The following MED12L variants were observed in gnomAD, a reference collection of about 807,000 sequenced individuals.
MED12L encodes mediator of RNA polymerase II transcription subunit 12-like protein.
Under a neutral mutation model 281.3 loss-of-function variants are expected in MED12L, and 60 were observed. That is an observed-to-expected ratio of 0.21 (90% CI 0.17 to 0.26). MED12L has a LOEUF of 0.26. MED12L is among the 10% of genes least tolerant of loss of function. The pLI, the probability that MED12L is intolerant of heterozygous loss-of-function variation, is 1.00. For missense variants in MED12L, 2,146 were observed against 2,680.9 expected (o/e 0.80, Z 4.41); for synonymous variants, 974 against 987.2 (o/e 0.99, Z 0.25).
chr3:151,097,023 A>G (rs1720805310), intron 2 of MED12L, among the ~76,000 whole-genome samples: 2 of 152,198 alleles, frequency 1.3e-5, no homozygotes, highest in Admixed American at 1.3e-4. Flanking sequence ...TCAGAAGCTC[A>G]TGCATTTTTG....
chr3:151,320,103 C>T (rs575296474), intron 16 of MED12L, among the ~76,000 whole-genome samples: 1 of 152,244 alleles, frequency 6.6e-6, no homozygotes, highest in South Asian at 2.1e-4. Context: ...ACTTTTTCCT[C>T]CCTTCTTTCT....
intron 4 of MED12L, among the ~76,000 whole-genome samples, chr3:151,125,342 GGGTTCTGC>G (rs1423598669): frequency 1.3e-5 from 2 of 152,170 alleles, no homozygotes; most frequent in East Asian, 3.8e-4. Context: ...AGTTCTCATG[GGGTTCTGC>G]TAGTACGGAG....
intron 16 of MED12L, among the ~76,000 whole-genome samples, chr3:151,253,809 C>G (rs1449644234): frequency 6.6e-6 from 1 of 152,108 alleles, no homozygotes; most frequent in Non-Finnish European, 1.5e-5. Flanking sequence ...GGGCTTGAAA[C>G]ATTGTCCTTT....
chr3:151,350,724 C>T (rs1753122988), intron 17 of MED12L, among the ~76,000 whole-genome samples: 1 of 152,054 alleles, frequency 6.6e-6, no homozygotes. Context: ...TGATGGCTAC[C>T]TATATCTCCA....
intron 39 of MED12L, 32 bp from the exon 40 acceptor site, chr3:151,409,211 G>C: frequency 1.3e-6 from 2 of 1,552,122 alleles, no homozygotes; most frequent in Non-Finnish European, 1.7e-6. Flanking sequence ...TTGCTGTTAT[G>C]ATCAAGAGTT....
chr3:151,315,922 TTA>T (rs1748165890), intron 16 of MED12L, among the ~76,000 whole-genome samples: 1 of 152,242 alleles, frequency 6.6e-6, no homozygotes, highest in Non-Finnish European at 1.5e-5. Context: ...TTAAAAGTCC[TTA>T]TTAAAATTTA....
intron 4 of MED12L, among the ~76,000 whole-genome samples, chr3:151,124,064 A>G (rs1472077832): frequency 6.6e-6 from 1 of 152,210 alleles, no homozygotes; most frequent in Non-Finnish European, 1.5e-5. Context: ...GTGGCCTATG[A>G]ATTGTATCTG....
At chr3:151,395,766 G>A (rs938407934) in intron 39 of MED12L, among the ~76,000 whole-genome samples, 1 of 152,188 alleles carries the variant, frequency 6.6e-6, no homozygotes, top group South Asian at 2.1e-4. Context: ...TGGAAATAGC[G>A]AATCTACAGG....
intron 16 of MED12L, among the ~76,000 whole-genome samples, chr3:151,245,799 G>C (rs1455344073): frequency 6.9e-6 from 1 of 145,914 alleles, no homozygotes; most frequent in Non-Finnish European, 1.5e-5. Context: ...GAAATAAAGG[G>C]TATTCAATTA....
chr3:151,192,071 A>C (rs961307343), intron 14 of MED12L, among the ~76,000 whole-genome samples: 4 of 152,244 alleles, frequency 2.6e-5, no homozygotes, highest in Non-Finnish European at 4.4e-5. Context: ...TGTCGGGTTA[A>C]AAATATTTAA....
intron 12 of MED12L, among the ~76,000 whole-genome samples, chr3:151,185,953 G>A (rs1267253593): frequency 6.6e-6 from 1 of 150,916 alleles, no homozygotes; most frequent in Non-Finnish European, 1.5e-5. Flanking sequence ...ACACACACAT[G>A]TGCAATATAC....
In MED12L at chr3:151,387,951, C is replaced by T. The variant is rs750127783; in HGVS notation, c.5230C>T (p.Leu1744Phe). Reference protein sequence around the residue: ...RVIKYEEQHHLLLYHTHPMPK... With the variant: ...RVIKYEEQHHFLLYHTHPMPK... ...GATCAAGTACGAGGAGCAGCATCAC[C>T]TCCTGCTGTATCACACACACCCCAT... is the stretch of plus-strand genomic sequence containing the variant. Residue 1744 changes from leucine (L) to phenylalanine (F), a missense_variant, in exon 37 of 45, where the codon CTC becomes TTC. Physicochemically the swap from Leu to Phe is conservative, Grantham distance 22. Transcript: ENST00000687756. 1 of 1,614,068 alleles carries T rather than the reference C, an allele frequency of 6.2e-7. No homozygotes were observed. Among genetic ancestry groups the T allele is most frequent in the Non-Finnish European group, 8.5e-7 (1 of 1,180,020 alleles).
intron 31 of MED12L, among the ~76,000 whole-genome samples, chr3:151,379,038 G>T (rs147447196): frequency 6.6e-6 from 1 of 152,350 alleles, no homozygotes; most frequent in African/African-American, 2.4e-5. Flanking sequence ...ATAAAGCCTG[G>T]GTTTAAATCC....
intron 21 of MED12L, 145 bp downstream of exon 21, chr3:151,360,750 T>C: frequency 1.4e-6 from 1 of 704,170 alleles, no homozygotes; most frequent in Non-Finnish European, 2.4e-6. Flanking sequence ...TCATGATTTG[T>C]TTAAACTGAA....
intron 16 of MED12L, chr3:151,269,981 G>T (rs971991312): frequency 1.7e-5 from 5 of 299,638 alleles, no homozygotes; most frequent in Non-Finnish European, 2.6e-5. Context: ...GTACTACTTG[G>T]TTTTCAATAT....
chr3:151,099,076 A>AT (rs1256868740), intron 2 of MED12L, among the ~76,000 whole-genome samples: 2 of 152,126 alleles, frequency 1.3e-5, no homozygotes, highest in Admixed American at 1.3e-4. Context: ...CCCGTGATTC[A>AT]TTTATCTCCC....
chr3:151,151,030 G>GGTTTTTTTTTTTTT (rs1342933481), intron 5 of MED12L, among the ~76,000 whole-genome samples: 1 of 11,808 alleles, frequency 8.5e-5, no homozygotes, highest in Non-Finnish European at 1.9e-4. Flanking sequence ...TGCTGAAGTA[G>GGTTTTTTTTTTTTT]CTTTTTTTTT....
intron 18 of MED12L, 80 bp downstream of exon 18, chr3:151,355,319 C>A: frequency 1.1e-6 from 1 of 870,486 alleles, no homozygotes; most frequent in South Asian, 1.5e-5. Flanking sequence ...TATATTTTCT[C>A]AACCTTAATG....
In MED12L at chr3:151,328,101, A is replaced by G. The variant is rs369934525; in HGVS notation, c.2251-21958A>G. On this transcript the variant is annotated intron_variant, in intron 16 of 44. Coordinates refer to ENST00000687756, the MANE Select transcript of MED12L (RefSeq NM_001393769.1). ...TTTTCTGTGAATTTTTTACATAAGA[A>G]TATGTATATTAAGGGATCCATACAA... The G allele has an allele frequency of 1.1e-5, 17 of 1,610,252 alleles. No individual in the cohort carries two copies. In the African/African-American group the frequency reaches 1.9e-4, roughly 18 times the overall value.
Sources: gnomAD v4.1 joint callset for allele counts (sites outside exome capture counted in the v4.1 genomes callset) on GRCh38, gnomAD v4.1.1 for gene constraint, MANE v1.5 for transcripts, NCBI Gene and HGNC (gene_info 2026-07-23, HGNC 2026-07-21) for gene names.